Variants in GATAD1 observed in about 807,000 individuals in gnomAD.
GATAD1 encodes GATA zinc finger domain-containing protein 1.
A neutral mutation model predicts 26.5 loss-of-function variants in GATAD1; 12 were observed. The observed-to-expected ratio is 0.45, with a 90% CI of 0.29 to 0.73. The LOEUF (loss-of-function observed/expected upper bound fraction) is 0.73. Among genes scored for constraint, GATAD1 ranks in the 30% least tolerant of loss-of-function variants. The pLI, the probability that GATAD1 is intolerant of heterozygous loss-of-function variation, is 0.10. For synonymous variants in GATAD1, 129 were observed against 133.1 expected (o/e 0.97, Z 0.21); for missense variants, 266 against 342.1 (o/e 0.78, Z 1.75).
chr7:92,456,792 T>A lies in GATAD1; in HGVS notation c.*230T>A. ...AAAAGTGACTAAAAAGTTTTTCTCC[T>A]GCTACCTAGTAATAAACAAATCATT... is the stretch of plus-strand genomic sequence containing the variant. On this transcript the variant is annotated 3_prime_UTR_variant, in exon 5 of 5. Coordinates refer to ENST00000287957, the MANE Select transcript of GATAD1 (RefSeq NM_021167.5). The A allele has an allele frequency of 2.2e-6, 1 of 444,496 alleles. No individual in the cohort carries two copies. The highest frequency in any genetic ancestry group is 3.9e-6 in the Non-Finnish European group (1 of 254,954). 27.5% of individuals were successfully genotyped at this position (444,496 alleles called of 1,614,324 possible). A position where few individuals can be genotyped will look rare whatever the true frequency, so the allele number is the denominator to read the frequency against.
chr7:92,472,402 A>G, the GATAD1 span: 1 of 152,254 alleles, frequency 6.6e-6, no homozygotes, highest in Non-Finnish European at 1.5e-5. Flanking sequence ...CAATGAGGTC[A>G]ACCCTTTGCC....
chr7:92,478,237 C>T, the GATAD1 span, among the ~76,000 whole-genome samples: 4 of 152,304 alleles, frequency 2.6e-5, no homozygotes, highest in African/African-American at 9.6e-5. Context: ...GCCCTCATCC[C>T]AGAAAGGAAG....
At chr7:92,474,183 C>A in the GATAD1 span, among the ~76,000 whole-genome samples, 1 of 152,112 alleles carries the variant, frequency 6.6e-6, no homozygotes, top group Non-Finnish European at 1.5e-5. Context: ...CCGCCTGCTC[C>A]TCCTGATCTC....
At chr7:92,493,242 T>A in the GATAD1 span, 1 of 625,864 alleles carries the variant, frequency 1.6e-6, no homozygotes, top group Non-Finnish European at 2.7e-6. Flanking sequence ...TAAAAAGCTT[T>A]ATAAGTAAGT....
the GATAD1 span, among the ~76,000 whole-genome samples, chr7:92,488,595 C>A: frequency 2.6e-5 from 4 of 152,004 alleles, no homozygotes; most frequent in South Asian, 8.3e-4. Context: ...TTTAAATGTT[C>A]TTGAGGTCAA....
At chr7:92,448,067 C>T in intron 1 of GATAD1, 89 bp downstream of exon 1, 2 of 996,624 alleles carry the variant, frequency 2.0e-6, no homozygotes, top group African/African-American at 1.7e-5. Flanking sequence ...CGGGCGCGGG[C>T]TTCCCCGATC....
chr7:92,470,203 G>A, the GATAD1 span: 2 of 778,584 alleles, frequency 2.6e-6, no homozygotes, highest in South Asian at 1.3e-5. Flanking sequence ...AGTGAAGGTG[G>A]GGGTTCCCTT....
chr7:92,483,771 C>A, the GATAD1 span, among the ~76,000 whole-genome samples: 1 of 152,184 alleles, frequency 6.6e-6, no homozygotes, highest in Non-Finnish European at 1.5e-5. Flanking sequence ...CAGAACGAAA[C>A]TGTAAGCCGG....
intron 3 of GATAD1, among the ~76,000 whole-genome samples, chr7:92,451,610 G>T (rs1373800292): frequency 6.6e-6 from 1 of 152,070 alleles, no homozygotes; most frequent in African/African-American, 2.4e-5. Context: ...TCCCAACAGG[G>T]GTACACTGGC....
Position 92,459,820 on chromosome 7 carries a change from G to A in GATAD1, c.*3258G>A, listed in dbSNP as rs1400464525. The stretch of plus-strand genomic sequence containing the variant: ...AACCTAACCCCGGTTCTTGCTTATG[G>A]GAGATGCTGATTGTAGGGTCTGAGT... On this transcript the variant is annotated 3_prime_UTR_variant, in exon 5 of 5. Coordinates refer to ENST00000287957, the MANE Select transcript of GATAD1 (RefSeq NM_021167.5). Among the ~76,000 whole-genome samples the A allele has an allele frequency of 1.3e-5, 2 of 152,106 alleles. No homozygotes were observed. Among genetic ancestry groups the A allele is most frequent in the Non-Finnish European group, 2.9e-5 (2 of 68,034 alleles).
the GATAD1 span, among the ~76,000 whole-genome samples, chr7:92,487,786 A>G: frequency 6.6e-6 from 1 of 152,238 alleles, no homozygotes; most frequent in Admixed American, 6.5e-5. Context: ...ACAATGAATA[A>G]TATGAAAAAT....
the GATAD1 span, chr7:92,468,419 CAG>C: frequency 1.1e-5 from 2 of 187,240 alleles, no homozygotes; most frequent in East Asian, 1.5e-4. Flanking sequence ...AGCATGAAAA[CAG>C]AGCTCCCATA....
At chr7:92,476,345 C>T in the GATAD1 span, among the ~76,000 whole-genome samples, 182 of 152,194 alleles carry the variant, frequency 1.2e-3, no homozygotes, top group Admixed American at 2.4e-3. Context: ...GTTGCGCTAC[C>T]GACTGAATGC....
At chr7:92,465,384 G>A in the GATAD1 span, among the ~76,000 whole-genome samples, 2 of 152,170 alleles carry the variant, frequency 1.3e-5, no homozygotes, top group Non-Finnish European at 2.9e-5. Flanking sequence ...TTGAGAGGCC[G>A]AGGCGGGTGG....
the GATAD1 span, chr7:92,470,954 G>A: frequency 3.6e-5 from 6 of 167,184 alleles, no homozygotes; most frequent in South Asian, 2.1e-4. Flanking sequence ...TCATTTTCTC[G>A]ACCTTCCCTG....
At chr7:92,478,529 G>T in the GATAD1 span, among the ~76,000 whole-genome samples, 2 of 152,194 alleles carry the variant, frequency 1.3e-5, no homozygotes, top group Admixed American at 6.5e-5. Context: ...GAGAGGCTAG[G>T]TGGATGCAGC....
chr7:92,453,335 G>C (rs1251606970), intron 3 of GATAD1, among the ~76,000 whole-genome samples: 1 of 152,184 alleles, frequency 6.6e-6, no homozygotes, highest in African/African-American at 2.4e-5. Flanking sequence ...ATGTCATAAA[G>C]ATTTGGATCA....
At chr7:92,493,159 A>T in the GATAD1 span, 1 of 1,250,196 alleles carries the variant, frequency 8.0e-7, no homozygotes, top group East Asian at 2.6e-5. Context: ...TTTAACAAAT[A>T]AAAAATAAAA....
Position 92,457,392 on chromosome 7 carries a change from A to G in GATAD1, c.*830A>G, listed in dbSNP as rs1316920376. 2 of 152,356 alleles carry G rather than the reference A, an allele frequency of 1.3e-5. No homozygotes were observed. Among genetic ancestry groups the G allele is most frequent in the Admixed American group, 1.3e-4 (2 of 15,286 alleles). The allele number at this position is 152,356 out of a possible 1,614,324, so 9.4% of individuals were successfully genotyped here. On this transcript the variant is annotated 3_prime_UTR_variant, in exon 5 of 5. Coordinates refer to ENST00000287957, the MANE Select transcript of GATAD1 (RefSeq NM_021167.5). The stretch of plus-strand genomic sequence containing the variant: ...GGCAGGAGAATTGGTTGAACCCAGG[A>G]GGCGGAGGTTGCAGTGAGCAGAGAT...
Sources: allele counts gnomAD v4.1 joint callset (sites outside exome capture counted in the v4.1 genomes callset), GRCh38; gene constraint gnomAD v4.1.1; transcripts MANE v1.5; gene names NCBI Gene and HGNC (gene_info 2026-07-23, HGNC 2026-07-21).